IFT88: variants seen among roughly 807,000 people sequenced by gnomAD.
The protein encoded by IFT88 is intraflagellar transport protein 88 homolog.
Under a neutral mutation model 119.5 loss-of-function variants are expected in IFT88, and 74 were observed. That is an observed-to-expected ratio of 0.62 (90% CI 0.51 to 0.75). IFT88 has a LOEUF of 0.75. IFT88 is among the 30% of genes least tolerant of loss of function. The pLI, the probability that IFT88 is intolerant of heterozygous loss-of-function variation, is 0.00. For synonymous variants in IFT88, 279 were observed against 316.7 expected, an observed-to-expected ratio of 0.88 and a Z score of 1.26; for missense variants, 961 against 977.7, an observed-to-expected ratio of 0.98 and a Z score of 0.23.
intron 20 of IFT88, among the ~76,000 whole-genome samples, chr13:20,645,507 A>G (rs1188322586): frequency 6.6e-6 from 1 of 151,892 alleles, no homozygotes; most frequent in Admixed American, 6.6e-5. Flanking sequence ...TTCTTTATGT[A>G]TTTTTCTTAC....
rs531717447 is a variant in IFT88, at chr13:20,595,234, A to G, written c.399-916A>G. Reference sequence around the variant, plus strand: ...ATTATGATTGTGCCTGTAAATAGCCACTGCACTCTAGCCTGGGCAACATAG... The same window carrying G: ...ATTATGATTGTGCCTGTAAATAGCCGCTGCACTCTAGCCTGGGCAACATAG... On this transcript the variant is annotated intron_variant, in intron 7 of 25. Coordinates refer to ENST00000351808, the MANE Select transcript of IFT88 (RefSeq NM_006531.5). 2.6e-5 allele frequency among the ~76,000 whole-genome samples: 4 copies of G among 152,238 alleles called. No individual in the cohort carries two copies. The East Asian group carries it at 5.8e-4, about 22-fold the overall frequency.
rs993543592 is a variant in IFT88, at chr13:20,686,776, A to G, written c.2243-3929A>G. Among the ~76,000 whole-genome samples, 11 of 152,170 alleles carry G rather than the reference A, an allele frequency of 7.2e-5. No homozygotes were observed. The South Asian group carries it at 1.0e-3, about 14-fold the overall frequency. ...AAATTATTTTTATGCTCATAACCAT[A>G]TTCTTTCTAAATTAGTAAAGACTGT... On this transcript the variant is annotated intron_variant, in intron 24 of 25. Coordinates refer to ENST00000351808, the MANE Select transcript of IFT88 (RefSeq NM_006531.5).
At position 20,600,439 on chromosome 13, in the gene IFT88, G is replaced by A. The variant is rs1187544066; in HGVS notation, c.812+874G>A. ...ACTTGATATTGACTCTTTAGGAGGA[G>A]AGAAGGGATAACATCTGAGAAAAAG... On this transcript the variant is annotated intron_variant, in intron 11 of 25. Transcript: ENST00000351808. Among the ~76,000 whole-genome samples, 4 of 152,068 alleles carry A rather than the reference G, an allele frequency of 2.6e-5. No homozygotes were observed. In the East Asian group the frequency reaches 7.7e-4, roughly 29 times the overall value.
chr13:20,680,946 G>A (rs1238524830), intron 24 of IFT88, among the ~76,000 whole-genome samples: 2 of 152,214 alleles, frequency 1.3e-5, no homozygotes, highest in African/African-American at 4.8e-5. Flanking sequence ...GCTGCTGATA[G>A]CATCTGGCCT....
Position 20,597,010 on chromosome 13 carries a change from T to A in IFT88, c.490-5T>A. On this transcript the variant is annotated splice_region_variant and splice_polypyrimidine_tract_variant and intron_variant, in intron 8 of 25. Coordinates refer to ENST00000351808, the MANE Select transcript of IFT88 (RefSeq NM_006531.5). ...GGAAGTTACAAGGTATAAATCTGAT[T>A]TCAGGCCTTAGAAAAGGCAAAAGAT... The A allele has an allele frequency of 6.4e-7, 1 of 1,568,540 alleles. No homozygotes were observed. The highest frequency in any genetic ancestry group is 8.7e-7 in the Non-Finnish European group (1 of 1,149,368).
At chr13:20,612,984 A>G (rs1213999257) in intron 13 of IFT88, among the ~76,000 whole-genome samples, 2 of 152,092 alleles carry the variant, frequency 1.3e-5, no homozygotes, top group South Asian at 4.1e-4. Context: ...TAAAACTATA[A>G]AATTGTTAGA....
chr13:20,576,741 A>G (rs1393376380), intron 2 of IFT88, among the ~76,000 whole-genome samples: 2 of 152,168 alleles, frequency 1.3e-5, no homozygotes, highest in East Asian at 3.8e-4. Flanking sequence ...TTTTTATGCC[A>G]GTATCATGCT....
intron 13 of IFT88, among the ~76,000 whole-genome samples, chr13:20,605,751 C>G (rs952525542): frequency 6.6e-6 from 1 of 152,164 alleles, no homozygotes; most frequent in Non-Finnish European, 1.5e-5. Flanking sequence ...ATGGAAGGCT[C>G]CCACTACCCC....
intron 22 of IFT88, among the ~76,000 whole-genome samples, chr13:20,659,454 A>T (rs190967421): frequency 2.0e-5 from 3 of 152,112 alleles, no homozygotes; most frequent in African/African-American, 4.8e-5. Context: ...TGATTGTGCC[A>T]GTGCACTCCA....
At chr13:20,614,840 G>C (rs1291108233) in intron 13 of IFT88, among the ~76,000 whole-genome samples, 1 of 59,792 alleles carries the variant, frequency 1.7e-5, no homozygotes, top group Admixed American at 1.5e-4. Context: ...TTTTGAGACG[G>C]AGTCTCACTC....
intron 21 of IFT88, among the ~76,000 whole-genome samples, chr13:20,654,513 A>C (rs2052400826): frequency 6.6e-6 from 1 of 152,230 alleles, no homozygotes; most frequent in African/African-American, 2.4e-5. Context: ...TGGGAGAGAA[A>C]TGTGAACAAA....
At chr13:20,660,534 A>C (rs2053616168) in intron 22 of IFT88, among the ~76,000 whole-genome samples, 1 of 152,210 alleles carries the variant, frequency 6.6e-6, no homozygotes, top group African/African-American at 2.4e-5. Flanking sequence ...CTGTATGGAG[A>C]ATAAGCTGGA....
rs1213275772 is a variant in IFT88, at chr13:20,631,186, G to C, written c.1386+84G>C. 5 of 870,290 alleles carry C rather than the reference G, an allele frequency of 5.7e-6. No homozygotes were observed. The African/African-American group carries it at 8.2e-5, about 14-fold the overall frequency. 53.9% of individuals were successfully genotyped at this position (870,290 alleles called of 1,614,324 possible). A position where few individuals can be genotyped will look rare whatever the true frequency, so the allele number is the denominator to read the frequency against. ...GCCCAAGGATCATGCCTAGGGAGAG[G>C]TCCAAAGAATATTGGTGGAGAATGG... On this transcript the variant is annotated intron_variant, in intron 16 of 25. Coordinates refer to ENST00000351808, the MANE Select transcript of IFT88 (RefSeq NM_006531.5).
intron 16 of IFT88, among the ~76,000 whole-genome samples, chr13:20,634,950 TC>T (rs2048799373): frequency 1.5e-5 from 1 of 66,384 alleles, no homozygotes; most frequent in African/African-American, 6.2e-5. Flanking sequence ...CCCTCCCCCC[TC>T]CCCCCACCCC....
chr13:20,662,568 C>A (rs138550836), intron 22 of IFT88, among the ~76,000 whole-genome samples: 2 of 152,102 alleles, frequency 1.3e-5, no homozygotes, highest in African/African-American at 4.8e-5. Flanking sequence ...TAATGAGTAA[C>A]TTTTATTTTT....
chr13:20,581,978 A>C (rs1033287409), intron 2 of IFT88, among the ~76,000 whole-genome samples: 1 of 152,170 alleles, frequency 6.6e-6, no homozygotes, highest in African/African-American at 2.4e-5. Context: ...ATTATTTTCA[A>C]ATTTTTAAAA....
chr13:20,635,829 C>T (rs1204799693), intron 16 of IFT88, among the ~76,000 whole-genome samples: 1 of 151,678 alleles, frequency 6.6e-6, no homozygotes, highest in Non-Finnish European at 1.5e-5. Context: ...CACCATGGGA[C>T]GTGTATACCT....
At position 20,581,021 on chromosome 13, in the gene IFT88, G is replaced by A. The variant is rs537924478; in HGVS notation, c.91-1936G>A. ...ATTACAGGCATGAGCCACCGCCCCG[G>A]CCTGAAGATTATTATTTTTAAAGCA... On this transcript the variant is annotated intron_variant, in intron 2 of 25. Transcript: ENST00000351808. 1.2e-3 allele frequency among the ~76,000 whole-genome samples: 176 copies of A among 152,192 alleles called. No homozygotes were observed. In the Middle Eastern group the frequency reaches 0.024, roughly 21 times the overall value.
chr13:20,635,493 C>T (rs1452556068), intron 16 of IFT88, among the ~76,000 whole-genome samples: 13 of 152,180 alleles, frequency 8.5e-5, no homozygotes, highest in Admixed American at 6.5e-4. Context: ...CTGAGAAAAA[C>T]GAATATTCCT....
Sources: gnomAD v4.1 joint callset for allele counts (sites outside exome capture counted in the v4.1 genomes callset) on GRCh38, gnomAD v4.1.1 for gene constraint, MANE v1.5 for transcripts, NCBI Gene and HGNC (gene_info 2026-07-23, HGNC 2026-07-21) for gene names.